KHDRBS2: variants seen among roughly 807,000 people sequenced by gnomAD.
KHDRBS2 encodes the protein KH RNA binding domain containing, signal transduction associated 2.
Under a neutral mutation model 44.3 loss-of-function variants are expected in KHDRBS2, and 26 were observed. The observed-to-expected ratio is 0.59, with a 90% CI of 0.43 to 0.81. The LOEUF (loss-of-function observed/expected upper bound fraction) is 0.81. KHDRBS2 is among the 40% of genes least tolerant of loss of function. The pLI is 0.00. For missense variants in KHDRBS2, 476 were observed against 433.1 expected (o/e 1.10, Z -0.88); for synonymous variants, 194 against 151.1 (o/e 1.28, Z -2.08).
At chr6:62,118,697 GA>G (rs745608446) in intron 2 of KHDRBS2, among the ~76,000 whole-genome samples, 2 of 152,140 alleles carry the variant, frequency 1.3e-5, no homozygotes, top group Non-Finnish European at 2.9e-5. Context: ...GCAGGCAGAA[GA>G]ATGCAGAAAG....
At chr6:61,566,626 A>G in the KHDRBS2 span, among the ~76,000 whole-genome samples, 1 of 152,200 alleles carries the variant, frequency 6.6e-6, no homozygotes, top group African/African-American at 2.4e-5. Context: ...TAGAAGCAAG[A>G]TAGAATATGT....
intron 4 of KHDRBS2, among the ~76,000 whole-genome samples, chr6:61,955,889 A>T (rs1767121072): frequency 6.6e-6 from 1 of 152,098 alleles, no homozygotes; most frequent in Non-Finnish European, 1.5e-5. Flanking sequence ...TAGATTATGA[A>T]GCTGAGACAC....
chr6:62,214,222 C>G (rs1463296430), intron 1 of KHDRBS2, among the ~76,000 whole-genome samples: 1 of 151,832 alleles, frequency 6.6e-6, no homozygotes, highest in East Asian at 1.9e-4. Context: ...GCTGATATAC[C>G]CTTTACTTTT....
intron 3 of KHDRBS2, among the ~76,000 whole-genome samples, chr6:62,044,308 T>A (rs545993622): frequency 1.3e-5 from 2 of 151,722 alleles, no homozygotes; most frequent in South Asian, 4.2e-4. Context: ...AGACTCCATC[T>A]CTACAAAAAA....
chr6:61,563,580 G>T, the KHDRBS2 span, among the ~76,000 whole-genome samples: 120 of 152,068 alleles, frequency 7.9e-4, no homozygotes, highest in Middle Eastern at 6.8e-3. Context: ...ATAGAAACAA[G>T]GTACAGGCAT....
At chr6:62,020,214 AATTTTTCCAGAGGTATT>A (rs1157593850) in intron 3 of KHDRBS2, among the ~76,000 whole-genome samples, 1 of 151,924 alleles carries the variant, frequency 6.6e-6, no homozygotes, top group East Asian at 1.9e-4. Context: ...AATATTTGGG[AATTTTTCCAGAGGTATT>A]ATTTTTCCAG....
intron 2 of KHDRBS2, among the ~76,000 whole-genome samples, chr6:62,109,840 A>G (rs548934530): frequency 5.3e-4 from 80 of 151,994 alleles, no homozygotes; most frequent in African/African-American, 1.8e-3. Context: ...AAATAAAAAT[A>G]ATTTCAATTT....
chr6:62,136,110 G>A (rs1811469883), intron 2 of KHDRBS2, among the ~76,000 whole-genome samples: 1 of 151,360 alleles, frequency 6.6e-6, no homozygotes. Flanking sequence ...TAGATAGTGA[G>A]ATGATAGATT....
intron 1 of KHDRBS2, among the ~76,000 whole-genome samples, chr6:62,220,908 A>T (rs2150152167): frequency 6.6e-6 from 1 of 152,122 alleles, no homozygotes; most frequent in East Asian, 1.9e-4. Context: ...ATGCTTAATA[A>T]TTTACTGTTT....
chr6:61,868,022 T>C (rs1798036329), intron 6 of KHDRBS2, among the ~76,000 whole-genome samples: 1 of 152,138 alleles, frequency 6.6e-6, no homozygotes, highest in South Asian at 2.1e-4. Flanking sequence ...CTGATCAGCT[T>C]GGACTCTCCA....
chr6:61,662,492 G>C, the KHDRBS2 span, among the ~76,000 whole-genome samples: 12 of 151,714 alleles, frequency 7.9e-5, no homozygotes, highest in African/African-American at 2.9e-4. Context: ...TTTTTGCAAT[G>C]TACTCATCTG....
chr6:62,118,481 CT>C (rs1806823241), intron 2 of KHDRBS2, among the ~76,000 whole-genome samples: 1 of 152,122 alleles, frequency 6.6e-6, no homozygotes, highest in Non-Finnish European at 1.5e-5. Context: ...CTGTAGATCA[CT>C]TTAGGTAACA....
intron 1 of KHDRBS2, among the ~76,000 whole-genome samples, chr6:62,244,339 C>T (rs1002834717): frequency 3.3e-5 from 5 of 151,992 alleles, no homozygotes; most frequent in African/African-American, 1.2e-4. Flanking sequence ...TTTTAAATGA[C>T]TCTTCCCACT....
chr6:61,628,681 A>T, the KHDRBS2 span, among the ~76,000 whole-genome samples: 1 of 152,026 alleles, frequency 6.6e-6, no homozygotes, highest in Non-Finnish European at 1.5e-5. Context: ...ACAGTTCTCC[A>T]TTCCTTAGGG....
At chr6:61,815,988 C>T (rs1788854957) in intron 6 of KHDRBS2, among the ~76,000 whole-genome samples, 1 of 152,118 alleles carries the variant, frequency 6.6e-6, no homozygotes, top group Admixed American at 6.6e-5. Flanking sequence ...CTTAACAGAG[C>T]ACTCATAAAT....
intron 8 of KHDRBS2, among the ~76,000 whole-genome samples, chr6:61,689,769 TGTTACCCA>T (rs1767194595): frequency 6.6e-6 from 1 of 152,046 alleles, no homozygotes; most frequent in Non-Finnish European, 1.5e-5. Context: ...TGGCATCTCT[TGTTACCCA>T]TTGAACTAAA....
At chr6:61,949,338 T>A (rs149520919) in intron 4 of KHDRBS2, among the ~76,000 whole-genome samples, 2,778 of 152,260 alleles carry the variant, frequency 0.018, 48 homozygotes, top group Non-Finnish European at 0.031. Flanking sequence ...TCATGGTGAC[T>A]AATACTTCTA....
At chr6:61,867,351 C>T (rs1007641194) in intron 6 of KHDRBS2, among the ~76,000 whole-genome samples, 4 of 152,094 alleles carry the variant, frequency 2.6e-5, no homozygotes, top group Admixed American at 6.5e-5. Context: ...AAGCCATGCC[C>T]CTCATGATTC....
chr6:62,151,535 A>T (rs562609355), intron 2 of KHDRBS2, among the ~76,000 whole-genome samples: 1 of 152,310 alleles, frequency 6.6e-6, no homozygotes, highest in Non-Finnish European at 1.5e-5. Context: ...AAGTTACCCA[A>T]AAAAACCCCA....
Sources: allele counts gnomAD v4.1 joint callset (sites outside exome capture counted in the v4.1 genomes callset), GRCh38; gene constraint gnomAD v4.1.1; transcripts MANE v1.5; gene names NCBI Gene and HGNC (gene_info 2026-07-23, HGNC 2026-07-21).